APPBP2: variants seen among roughly 807,000 people sequenced by gnomAD.
The protein encoded by APPBP2 is amyloid protein-binding protein 2.
In APPBP2, 15 loss-of-function variants were observed where a neutral mutation model predicts 76.0. The ratio of observed to expected loss-of-function variants is 0.20; its 90% CI spans 0.13 to 0.30. APPBP2 has a LOEUF of 0.30. Ranked by LOEUF, APPBP2 falls within the 10% of genes least tolerant of loss-of-function variation. The pLI is 1.00. For synonymous variants in APPBP2, 222 were observed against 242.2 expected, an observed-to-expected ratio of 0.92 and a Z score of 0.77; for missense variants, 401 against 687.2, an observed-to-expected ratio of 0.58 and a Z score of 4.66.
At chr17:60,525,433 T>C (rs2143517915) in intron 1 of APPBP2, among the ~76,000 whole-genome samples, 1 of 151,898 alleles carries the variant, frequency 6.6e-6, no homozygotes, top group Middle Eastern at 3.4e-3. Context: ...TGACACTTAA[T>C]TGGAAGGAGA....
intron 1 of APPBP2, among the ~76,000 whole-genome samples, chr17:60,505,263 A>G (rs959391951): frequency 6.6e-6 from 1 of 152,218 alleles, no homozygotes; most frequent in Non-Finnish European, 1.5e-5. Context: ...ATATCATGCC[A>G]TTCTCTTGTT....
intron 3 of APPBP2, among the ~76,000 whole-genome samples, chr17:60,493,961 A>G (rs1015237383): frequency 6.6e-6 from 1 of 152,166 alleles, no homozygotes; most frequent in Non-Finnish European, 1.5e-5. Flanking sequence ...TTAAGGTCTC[A>G]CTATGTTGCT....
chr17:60,449,214 T>C (rs921959750), intron 12 of APPBP2, among the ~76,000 whole-genome samples: 23 of 152,098 alleles, frequency 1.5e-4, no homozygotes, highest in African/African-American at 5.1e-4. Context: ...AATGAGCAAG[T>C]CAGTCAATAT....
chr17:60,514,168 A>G (rs2090944119), intron 1 of APPBP2, among the ~76,000 whole-genome samples: 1 of 152,094 alleles, frequency 6.6e-6, no homozygotes. Context: ...TTAGCTGAGC[A>G]TGCAGTACAC....
At chr17:60,506,564 G>GT (rs568985326) in intron 1 of APPBP2, among the ~76,000 whole-genome samples, 47 of 149,860 alleles carry the variant, frequency 3.1e-4, no homozygotes, top group South Asian at 2.5e-3. Flanking sequence ...ATGACACACT[G>GT]TTTTTTTTAC....
intron 2 of APPBP2, chr17:60,496,328 A>C (rs1259092691): frequency 6.6e-6 from 1 of 152,240 alleles, no homozygotes; most frequent in Non-Finnish European, 1.5e-5. Context: ...CCTTTTAAAC[A>C]AAATTGTAAG....
chr17:60,475,466 T>C (rs760551118), intron 4 of APPBP2, among the ~76,000 whole-genome samples: 7 of 152,132 alleles, frequency 4.6e-5, no homozygotes, highest in Non-Finnish European at 8.8e-5. Context: ...TACATGGAGA[T>C]ATACTGGGTC....
chr17:60,466,304 C>A lies in APPBP2; in HGVS notation c.659G>T (p.Ser220Ile). ...GELCALLFAKSHYDEAYKWCI... is the reference protein window; with the variant it reads ...GELCALLFAKIHYDEAYKWCI... ...TAAAACACTTACCTCATCATAGTGA[C>A]TTTTTGCAAATAGGAGTGCACACAG... is the stretch of plus-strand genomic sequence containing the variant. Residue 220 changes from serine to isoleucine, a missense_variant, in exon 5 of 13, where the codon AGT becomes ATT. Physicochemically the swap from Ser to Ile is moderately radical, Grantham distance 142 (BLOSUM62 -2). Around this residue, in one of 5 missense-constraint regions of APPBP2, gnomAD observed 64 missense variants for 72.9 expected, o/e 0.88. Transcript: ENST00000083182. The A allele has an allele frequency of 6.2e-7, 1 of 1,613,426 alleles. No individual in the cohort carries two copies. The highest frequency in any genetic ancestry group is 8.5e-7 in the Non-Finnish European group (1 of 1,179,728).
At chr17:60,513,997 T>TAAAAAAA (rs35785295) in intron 1 of APPBP2, among the ~76,000 whole-genome samples, 1 of 108,576 alleles carries the variant, frequency 9.2e-6, no homozygotes. Flanking sequence ...TTCCCCACAT[T>TAAAAAAA]AAAAAAAAAA....
intron 4 of APPBP2, among the ~76,000 whole-genome samples, chr17:60,473,737 C>T (rs971661191): frequency 7.2e-5 from 11 of 152,162 alleles, no homozygotes; most frequent in African/African-American, 2.2e-4. Context: ...TTTCAAAAAT[C>T]GCTTTTCCTC....
intron 10 of APPBP2, among the ~76,000 whole-genome samples, chr17:60,455,540 A>C (rs1422996110): frequency 6.6e-6 from 1 of 152,240 alleles, no homozygotes; most frequent in Non-Finnish European, 1.5e-5. Context: ...AATCAGAAGA[A>C]AAGTTAAAAT....
At chr17:60,486,426 G>T (rs561200180) in intron 3 of APPBP2, among the ~76,000 whole-genome samples, 1 of 152,130 alleles carries the variant, frequency 6.6e-6, no homozygotes, top group Non-Finnish European at 1.5e-5. Context: ...TCTTCTTGTC[G>T]AATTGATCCC....
chr17:60,524,197 G>A (rs1378410281), intron 1 of APPBP2, among the ~76,000 whole-genome samples: 1 of 152,190 alleles, frequency 6.6e-6, no homozygotes, highest in Non-Finnish European at 1.5e-5. Context: ...GTTACTAAAA[G>A]ATATTCAAGT....
At chr17:60,470,920 A>G (rs1325720650) in intron 4 of APPBP2, among the ~76,000 whole-genome samples, 1 of 151,418 alleles carries the variant, frequency 6.6e-6, no homozygotes, top group Non-Finnish European at 1.5e-5. Flanking sequence ...CCTCCTGAGT[A>G]GCTGGGATTA....
intron 1 of APPBP2, among the ~76,000 whole-genome samples, chr17:60,501,322 A>G (rs1474740120): frequency 6.6e-6 from 1 of 152,136 alleles, no homozygotes; most frequent in Non-Finnish European, 1.5e-5. Flanking sequence ...CTGTCTCAAA[A>G]AAATTATAAA....
At chr17:60,462,587 G>C (rs1406353302) in intron 6 of APPBP2, 1 of 152,364 alleles carries the variant, frequency 6.6e-6, no homozygotes, top group Non-Finnish European at 1.5e-5. Context: ...ACAGCTCTCA[G>C]TTGTTATTTT....
chr17:60,518,211 A>T (rs563687687), intron 1 of APPBP2, among the ~76,000 whole-genome samples: 1 of 151,300 alleles, frequency 6.6e-6, no homozygotes, highest in South Asian at 2.1e-4. Context: ...TGCCTAGCTT[A>T]TTTTTTATTG....
At chr17:60,448,444 CAG>C (rs1474994461) in intron 12 of APPBP2, among the ~76,000 whole-genome samples, 4 of 152,208 alleles carry the variant, frequency 2.6e-5, no homozygotes, top group African/African-American at 9.6e-5. Context: ...GCTTGGGTGA[CAG>C]AGAGAGACTC....
chr17:60,467,233 A>C (rs111825533), intron 4 of APPBP2, among the ~76,000 whole-genome samples: 380 of 152,320 alleles, frequency 2.5e-3, no homozygotes, highest in African/African-American at 8.9e-3. Context: ...GAAAATGCTC[A>C]GACTGAGAAG....
Sources: gnomAD v4.1 joint callset for allele counts (sites outside exome capture counted in the v4.1 genomes callset) on GRCh38, gnomAD v4.1.1 for gene constraint, gnomAD v4.1.1 regional missense constraint, MANE v1.5 for transcripts, NCBI Gene and HGNC (gene_info 2026-07-23, HGNC 2026-07-21) for gene names.